ROBO2: variants seen among roughly 807,000 people sequenced by gnomAD.
ROBO2 encodes the protein roundabout guidance receptor 2.
Under a neutral mutation model 160.8 loss-of-function variants are expected in ROBO2, and 53 were observed. The observed-to-expected ratio is 0.33, with a 90% CI of 0.26 to 0.41. ROBO2 has a LOEUF of 0.41. Ranked by LOEUF, ROBO2 falls within the 10% of genes least tolerant of loss-of-function variation. ROBO2 has a pLI of 1.00. For missense variants in ROBO2, 1,577 were observed against 1,722.4 expected, an observed-to-expected ratio of 0.92 and a Z score of 1.49; for synonymous variants, 664 against 611.7, an observed-to-expected ratio of 1.09 and a Z score of -1.26.
intron 2 of ROBO2, among the ~76,000 whole-genome samples, chr3:76,924,151 C>T (rs1462673344): frequency 6.6e-6 from 1 of 152,128 alleles, no homozygotes; most frequent in Non-Finnish European, 1.5e-5. Context: ...AGACCTATAT[C>T]TATTCTTGTC....
At chr3:76,161,522 T>C (rs1176367843) in intron 2 of ROBO2, among the ~76,000 whole-genome samples, 1 of 152,142 alleles carries the variant, frequency 6.6e-6, no homozygotes, top group Non-Finnish European at 1.5e-5. Context: ...TCCAAACCAG[T>C]GAGTCACATG....
At chr3:77,574,464 C>T (rs1333671071) in intron 13 of ROBO2, 35 bp from the exon 15 acceptor site, 2 of 1,548,532 alleles carry the variant, frequency 1.3e-6, no homozygotes, top group Admixed American at 1.7e-5. Context: ...AAATACTTTC[C>T]TTTAGTTTCA....
intron 2 of ROBO2, among the ~76,000 whole-genome samples, chr3:75,962,261 A>G (rs1175390464): frequency 6.6e-6 from 1 of 151,762 alleles, no homozygotes; most frequent in African/African-American, 2.4e-5. Context: ...TCAGAACACA[A>G]TGGGATAGCA....
At chr3:77,164,499 CCCCGCCCGGCCAGCCG>C (rs2078801099) in intron 2 of ROBO2, among the ~76,000 whole-genome samples, 23 of 137,348 alleles carry the variant, frequency 1.7e-4, no homozygotes, top group Non-Finnish European at 3.0e-4. Flanking sequence ...GGGGTCAGCC[CCCCGCCCGGCCAGCCG>C]TGCTGTCCGG....
intron 1 of ROBO2, among the ~76,000 whole-genome samples, chr3:75,933,741 C>T (rs139857247): frequency 0.017 from 2,636 of 152,196 alleles, 93 homozygotes; most frequent in African/African-American, 0.059. Context: ...ATCCACATGA[C>T]GAGTGGAACC....
chr3:76,578,243 A>G (rs2085435931), intron 2 of ROBO2, among the ~76,000 whole-genome samples: 1 of 152,294 alleles, frequency 6.6e-6, no homozygotes, highest in East Asian at 1.9e-4. Flanking sequence ...CTGGAACATT[A>G]GCTGCTGTTA....
chr3:76,469,363 C>T (rs1031324657), intron 2 of ROBO2, among the ~76,000 whole-genome samples: 2 of 152,008 alleles, frequency 1.3e-5, no homozygotes, highest in African/African-American at 4.8e-5. Context: ...TCTTGTCATT[C>T]CTCAATTTGT....
At chr3:76,759,820 A>G (rs937152762) in intron 2 of ROBO2, among the ~76,000 whole-genome samples, 1 of 151,762 alleles carries the variant, frequency 6.6e-6, no homozygotes, top group Non-Finnish European at 1.5e-5. Context: ...AAGTTGTAAA[A>G]TAAGAAATTT....
At chr3:76,436,863 G>T (rs1170919029) in intron 2 of ROBO2, among the ~76,000 whole-genome samples, 1 of 152,090 alleles carries the variant, frequency 6.6e-6, no homozygotes, top group Non-Finnish European at 1.5e-5. Context: ...GTCGTAAGTG[G>T]GGTGCTCTGG....
At chr3:76,759,590 G>T (rs1441691352) in intron 2 of ROBO2, among the ~76,000 whole-genome samples, 1 of 151,692 alleles carries the variant, frequency 6.6e-6, no homozygotes, top group East Asian at 2.0e-4. Context: ...ACTTGATGCA[G>T]AAACATGAAA....
intron 2 of ROBO2, among the ~76,000 whole-genome samples, chr3:76,312,128 A>C (rs1279364630): frequency 6.6e-6 from 1 of 152,238 alleles, no homozygotes; most frequent in Non-Finnish European, 1.5e-5. Flanking sequence ...GCTGTAAGCC[A>C]AAATGATGGT....
At chr3:76,229,827 C>A (rs1208559543) in intron 2 of ROBO2, among the ~76,000 whole-genome samples, 1 of 152,050 alleles carries the variant, frequency 6.6e-6, no homozygotes, top group South Asian at 2.1e-4. Context: ...GAAACATCAA[C>A]CAAAGGTGTT....
At chr3:75,963,551 T>C (rs1559787607) in intron 2 of ROBO2, among the ~76,000 whole-genome samples, 1 of 151,788 alleles carries the variant, frequency 6.6e-6, no homozygotes, top group Non-Finnish European at 1.5e-5. Context: ...ACGAACTAAA[T>C]CAAACATCTG....
chr3:76,024,257 G>C (rs2066662711), intron 2 of ROBO2, among the ~76,000 whole-genome samples: 1 of 151,372 alleles, frequency 6.6e-6, no homozygotes, highest in African/African-American at 2.4e-5. Context: ...TACTTTAAAA[G>C]GAAAGACGCC....
intron 2 of ROBO2, among the ~76,000 whole-genome samples, chr3:77,187,176 T>C (rs2081363292): frequency 6.6e-6 from 1 of 152,024 alleles, no homozygotes; most frequent in Non-Finnish European, 1.5e-5. Context: ...ATATTTCTTC[T>C]ATGAAGTGGA....
chr3:77,233,311 G>GC (rs911191415), intron 2 of ROBO2, among the ~76,000 whole-genome samples: 36 of 151,614 alleles, frequency 2.4e-4, no homozygotes, highest in East Asian at 9.6e-4. Context: ...AATAATCCTT[G>GC]CCCCCCCCTC....
intron 2 of ROBO2, among the ~76,000 whole-genome samples, chr3:77,211,355 T>C (rs2151098503): frequency 6.6e-6 from 1 of 152,354 alleles, no homozygotes; most frequent in Non-Finnish European, 1.5e-5. Context: ...ATGAGCATTT[T>C]TTCATGTGTC....
At chr3:76,074,919 AG>A (rs1243084477) in intron 2 of ROBO2, among the ~76,000 whole-genome samples, 1 of 152,174 alleles carries the variant, frequency 6.6e-6, no homozygotes, top group Non-Finnish European at 1.5e-5. Flanking sequence ...AAATGATGGT[AG>A]TTGTATATAA....
At chr3:76,550,228 T>C (rs371906713) in intron 2 of ROBO2, among the ~76,000 whole-genome samples, 14 of 152,292 alleles carry the variant, frequency 9.2e-5, no homozygotes, top group African/African-American at 3.4e-4. Flanking sequence ...CTCGCATTCC[T>C]GTGTCACATG....
Sources: allele counts gnomAD v4.1 joint callset (sites outside exome capture counted in the v4.1 genomes callset), GRCh38; gene constraint gnomAD v4.1.1; transcripts MANE v1.5; gene names NCBI Gene and HGNC (gene_info 2026-07-23, HGNC 2026-07-21).